The following EPG5 variants were observed in gnomAD, a reference collection of about 807,000 sequenced individuals.
EPG5 encodes ectopic P-granules 5 autophagy tethering factor.
Under a neutral mutation model 302.7 loss-of-function variants are expected in EPG5, and 159 were observed. That is an observed-to-expected ratio of 0.53 (90% confidence interval 0.46 to 0.60). EPG5 has a LOEUF of 0.60. EPG5 is among the 20% of genes least tolerant of loss of function. The probability of loss-of-function intolerance (pLI) is 0.00; values close to 1 mark genes in which losing one functional copy is unlikely to be tolerated. For synonymous variants in EPG5, 1,158 were observed against 1,136.8 expected, an observed-to-expected ratio of 1.02 and a Z score of -0.37; for missense variants, 2,896 against 3,092.4, an observed-to-expected ratio of 0.94 and a Z score of 1.51.
intron 35 of EPG5, among the ~76,000 whole-genome samples, chr18:45,872,128 C>A (rs1016098420): frequency 6.6e-6 from 1 of 152,224 alleles, no homozygotes; most frequent in African/African-American, 2.4e-5. Context: ...ACTTAATTAA[C>A]CCTTGGTGCA....
At chr18:45,876,401 C>T (rs889613432) in intron 34 of EPG5, 59 bp from the exon 35 acceptor site, 33 of 1,412,750 alleles carry the variant, frequency 2.3e-5, no homozygotes, top group Admixed American at 5.1e-5. Context: ...ACTGTTAAGT[C>T]CCAGTGTCTA....
At chr18:45,846,521 C>CAAAA (rs67294951), downstream of EPG5, among the ~76,000 whole-genome samples, 5 of 46,362 alleles carry the variant, frequency 1.1e-4, no homozygotes, top group Admixed American at 2.9e-4. Flanking sequence ...AACTCCCTCT[C>CAAAA]AAAAAAAAAA....
chr18:45,950,181 A>T (rs1328700970), intron 4 of EPG5, among the ~76,000 whole-genome samples: 1 of 152,234 alleles, frequency 6.6e-6, no homozygotes, highest in African/African-American at 2.4e-5. Flanking sequence ...AAAATGCACA[A>T]GACCAGAAGT....
At chr18:45,868,644 C>A (rs2048801728) in intron 36 of EPG5, among the ~76,000 whole-genome samples, 1 of 151,268 alleles carries the variant, frequency 6.6e-6, no homozygotes, top group Non-Finnish European at 1.5e-5. Flanking sequence ...GCTGGGATTA[C>A]AGGCGTGAGC....
intron 26 of EPG5, among the ~76,000 whole-genome samples, chr18:45,900,730 C>T (rs758520707): frequency 7.9e-5 from 12 of 152,144 alleles, no homozygotes; most frequent in Non-Finnish European, 1.8e-4. Context: ...GAGAAGCATA[C>T]GAAAATCTTA....
chr18:45,905,085 A>C (rs1348586728), intron 24 of EPG5, among the ~76,000 whole-genome samples: 2 of 151,742 alleles, frequency 1.3e-5, no homozygotes, highest in East Asian at 3.9e-4. Context: ...GAAAACAATA[A>C]ATATAGTAGC....
chr18:45,967,196 GC>G lies in EPG5; in HGVS notation c.43del (p.Ala15ProfsTer37). The G allele has an allele frequency of 6.2e-7, 1 of 1,603,596 alleles. No homozygotes were observed. The highest frequency in any genetic ancestry group is 8.5e-7 in the Non-Finnish European group (1 of 1,174,806). ...VKPQRRAKAK[A>X]SRTKTKEKKK... is the part of the protein sequence containing the mutation. ...CCTCACCTTTGTTTTAGTCCGGCTGGCCTTGGCCTTGGCCCGGCGCTGGGGC... is the reference window on the plus strand; with the variant it reads ...CCTCACCTTTGTTTTAGTCCGGCTGGCTTGGCCTTGGCCCGGCGCTGGGGC... On this transcript the variant is annotated frameshift_variant, in exon 1 of 44. Transcript: ENST00000282041. LOFTEE classifies it high-confidence loss of function.
chr18:45,883,307 T>G (rs551765738), intron 30 of EPG5, among the ~76,000 whole-genome samples: 51 of 152,134 alleles, frequency 3.4e-4, no homozygotes, highest in Admixed American at 2.6e-3. Flanking sequence ...CTGTCTCAAT[T>G]TAACAGCCAT....
intron 10 of EPG5, among the ~76,000 whole-genome samples, chr18:45,935,916 G>A (rs1368442594): frequency 1.3e-5 from 2 of 152,056 alleles, no homozygotes; most frequent in African/African-American, 4.8e-5. Flanking sequence ...TCCTTCCATG[G>A]GTCAAGCCCT....
Position 45,904,109 on chromosome 18 carries a change from C to A in EPG5, c.4338G>T (p.Trp1446Cys), listed in dbSNP as rs777421823. 4.3e-6 allele frequency: 7 copies of A among 1,610,868 alleles called. No homozygotes were observed. In the Admixed American group the frequency reaches 1.0e-4, roughly 23 times the overall value. The change falls in exon 25 of 44, where the codon TGG becomes TGT. Residue 1446 changes from tryptophan to cysteine, a missense_variant. By Grantham distance (215) the Trp-to-Cys change is radical. Transcript: ENST00000282041. ...TGCGCTCCATGTTCAAATACTCCAT[C>A]CACAGATCCTGAAACAGAACGACAG... is the stretch of plus-strand genomic sequence containing the variant. ...AKVMQNQQDLWMEYLNMERIY... is the reference protein window; with the variant it reads ...AKVMQNQQDLCMEYLNMERIY...
intron 2 of EPG5, 110 bp from the exon 3 acceptor site, chr18:45,952,753 A>C (rs548273455): frequency 2.6e-6 from 3 of 1,149,034 alleles, no homozygotes; most frequent in Non-Finnish European, 3.7e-6. Flanking sequence ...CAAAGAGCTT[A>C]TAATCATGGT....
chr18:45,911,078 T>TACACAC (rs34212851), intron 22 of EPG5, among the ~76,000 whole-genome samples: 144 of 135,358 alleles, frequency 1.1e-3, no homozygotes, highest in African/African-American at 3.6e-3. Context: ...TATCTATCTA[T>TACACAC]ACACACACAC....
intron 11 of EPG5, among the ~76,000 whole-genome samples, chr18:45,934,216 G>A (rs991518921): frequency 2.0e-5 from 3 of 152,078 alleles, no homozygotes; most frequent in Admixed American, 6.5e-5. Context: ...TTGAACCCAG[G>A]AGGTGGAGGT....
chr18:45,957,216 T>C (rs781059497), intron 1 of EPG5, among the ~76,000 whole-genome samples: 1 of 152,128 alleles, frequency 6.6e-6, no homozygotes, highest in Non-Finnish European at 1.5e-5. Flanking sequence ...ATTTTTGACA[T>C]GGAATTTGAG....
At chr18:45,908,674 G>A (rs1219931273) in intron 23 of EPG5, among the ~76,000 whole-genome samples, 2 of 152,154 alleles carry the variant, frequency 1.3e-5, no homozygotes, top group African/African-American at 2.4e-5. Flanking sequence ...GTTCTGGCTG[G>A]GCGCAGTGGC....
Position 45,880,080 on chromosome 18 carries a change from T to G in EPG5, c.5662A>C (p.Lys1888Gln). The change falls in exon 32 of 44, where the codon AAG (lysine) becomes CAG (glutamine). Residue 1888 changes from lysine (K) to glutamine (Q), a missense_variant. By Grantham distance (53) the Lys-to-Gln change is moderately conservative. Transcript: ENST00000282041. ...AGAGACCAAAGGCTACACACCTGCTTGTCTGACAAGAGAGCATCAGAAGAG... is the reference window on the plus strand; with the variant it reads ...AGAGACCAAAGGCTACACACCTGCTGGTCTGACAAGAGAGCATCAGAAGAG... Reference protein sequence around the residue: ...PSSSDALLSDKQVMETIQWLS... With the variant: ...PSSSDALLSDQQVMETIQWLS... 1.3e-6 allele frequency: 2 copies of G among 1,582,006 alleles called. No individual in the cohort carries two copies. Among genetic ancestry groups the G allele is most frequent in the Non-Finnish European group, 1.7e-6 (2 of 1,161,700 alleles).
chr18:45,879,844 A>G (rs1193584523), intron 32 of EPG5, among the ~76,000 whole-genome samples: 3 of 152,102 alleles, frequency 2.0e-5, no homozygotes, highest in African/African-American at 7.2e-5. Context: ...GGCAGGAAAG[A>G]TCTACAGGGG....
In EPG5 at chr18:45,899,458, C is replaced by T; in HGVS notation, c.4755G>A (p.Glu1585=). 1 of 1,614,232 alleles carries T rather than the reference C, an allele frequency of 6.2e-7. No homozygotes were observed. The highest frequency in any genetic ancestry group is 8.5e-7 in the Non-Finnish European group (1 of 1,180,050). Residue 1585 remains glutamate (E), a synonymous_variant, in exon 27 of 44, where the codon GAG becomes GAA. Transcript: ENST00000282041. Reference sequence around the variant, plus strand: ...ATTTCTTACCGCTGCTGCCTCTGCACTCCAAATGTAGTGTGGTCTGTTCTT... The same window carrying T: ...ATTTCTTACCGCTGCTGCCTCTGCATTCCAAATGTAGTGTGGTCTGTTCTT... The part of the protein sequence containing the change: ...NREEQTTLHL[E]CRGSSGKKCQ...
downstream of EPG5, among the ~76,000 whole-genome samples, chr18:45,846,235 T>C (rs894835085): frequency 1.3e-5 from 2 of 151,960 alleles, no homozygotes; most frequent in African/African-American, 4.8e-5. Context: ...CCCTGTAAGA[T>C]CCCAGTGGAG....
Sources: gnomAD v4.1 joint callset for allele counts (sites outside exome capture counted in the v4.1 genomes callset) on GRCh38, gnomAD v4.1.1 for gene constraint, MANE v1.5 for transcripts, NCBI Gene and HGNC (gene_info 2026-07-23, HGNC 2026-07-21) for gene names.